Variants in FBXW7 observed in about 807,000 individuals in gnomAD.
FBXW7 encodes F-box and WD repeat domain containing 7.
FBXW7 carries 11 observed loss-of-function variants against 86.3 expected under a neutral mutation model. The ratio of observed to expected loss-of-function variants is 0.13; its 90% CI spans 0.08 to 0.21. The LOEUF (loss-of-function observed/expected upper bound fraction) is 0.21. Among genes scored for constraint, FBXW7 ranks in the 10% least tolerant of loss-of-function variants. The pLI is 1.00. For missense variants in FBXW7, 488 were observed against 847.4 expected, an observed-to-expected ratio of 0.58 and a Z score of 5.27; for synonymous variants, 313 against 297.9, an observed-to-expected ratio of 1.05 and a Z score of -0.52.
At position 152,411,581 on chromosome 4, in the gene FBXW7, C is replaced by T. The variant is rs2126880190; in HGVS notation, c.223G>A (p.Gly75Arg). 1 of 1,613,824 alleles carries T rather than the reference C, an allele frequency of 6.2e-7. No homozygotes were observed. Among genetic ancestry groups the T allele is most frequent in the Non-Finnish European group, 8.5e-7 (1 of 1,179,862 alleles). ...RPGGQNDSQQ[G>R]QLEENNNRFI... ...CTATTATTGTTTTCTTCCAACTGTC[C>T]TTGCTGGGAATCATTTTGGCCTCCA... Residue 75 changes from glycine (G) to arginine (R), a missense_variant, in exon 4 of 14, where the codon GGA becomes AGA. Physicochemically the swap from Gly to Arg is moderately radical, Grantham distance 125. Around this residue, in one of 4 missense-constraint regions of FBXW7, gnomAD observed 230 missense variants for 240.0 expected, o/e 0.96. Coordinates refer to ENST00000281708, the MANE Select transcript of FBXW7 (RefSeq NM_001349798.2).
At chr4:152,516,100 T>A (rs1748465307) in intron 2 of FBXW7, among the ~76,000 whole-genome samples, 1 of 152,184 alleles carries the variant, frequency 6.6e-6, no homozygotes, top group South Asian at 2.1e-4. Context: ...GCTGATTCCT[T>A]AATTTCAGCC....
intron 2 of FBXW7, among the ~76,000 whole-genome samples, chr4:152,510,397 C>A (rs1391481693): frequency 1.3e-5 from 2 of 152,176 alleles, no homozygotes; most frequent in African/African-American, 4.8e-5. Context: ...AAAATGTATA[C>A]TCCCAACAAC....
intron 2 of FBXW7, among the ~76,000 whole-genome samples, chr4:152,528,243 T>C (rs754616478): frequency 2.6e-5 from 4 of 152,158 alleles, no homozygotes; most frequent in Non-Finnish European, 5.9e-5. Context: ...AGTAGCTATC[T>C]TCCAGATAGA....
intron 5 of FBXW7, 89 bp from the exon 6 acceptor site, chr4:152,347,160 C>T (rs2126637834): frequency 9.2e-7 from 1 of 1,084,950 alleles, no homozygotes; most frequent in Non-Finnish European, 1.3e-6. Flanking sequence ...ATAATAGATT[C>T]TAGTACAAAG....
intron 2 of FBXW7, among the ~76,000 whole-genome samples, chr4:152,522,539 G>A (rs1046489934): frequency 2.0e-5 from 3 of 152,076 alleles, no homozygotes; most frequent in Non-Finnish European, 4.4e-5. Flanking sequence ...GCTTGGCAGG[G>A]CTGGCATTCT....
At chr4:152,446,787 C>T (rs956806123) in intron 2 of FBXW7, among the ~76,000 whole-genome samples, 7 of 152,138 alleles carry the variant, frequency 4.6e-5, no homozygotes, top group Admixed American at 2.6e-4. Context: ...CTGTCATAGA[C>T]GGCACTCCAG....
chr4:152,322,750 C>A lies in FBXW7; in HGVS notation c.*131G>T. ...GTCTGTAGGTCTTTTCAATCTGTTG[C>A]CCCAAGCCAACATCCTGCACCACTG... On this transcript the variant is annotated 3_prime_UTR_variant, in exon 14 of 14. Transcript: ENST00000281708. 1 of 1,424,182 alleles carries A rather than the reference C, an allele frequency of 7.0e-7. No individual in the cohort carries two copies. The highest frequency in any genetic ancestry group is 9.3e-7 in the Non-Finnish European group (1 of 1,072,806). The allele number at this position is 1,424,182 out of a possible 1,614,324, so 88.2% of individuals were successfully genotyped here. A position where few individuals can be genotyped will look rare whatever the true frequency, so the allele number is the denominator to read the frequency against.
At position 152,474,663 on chromosome 4, in the gene FBXW7, A is replaced by C. The variant is rs541140986; in HGVS notation, c.-120+60278T>G. Among the ~76,000 whole-genome samples the C allele has an allele frequency of 5.1e-4, 77 of 152,238 alleles. 1 individual carries two copies. The highest frequency in any genetic ancestry group is 1.8e-3 in the African/African-American group (73 of 41,544). On this transcript the variant is annotated intron_variant, in intron 2 of 13. Transcript: ENST00000281708. ...TTGTATCTTTCAAAGGTCTTTTTAA[A>C]ATTTCATCCCATAACATTTTTTTAA...
At chr4:152,352,806 T>C (rs1731972084) in intron 4 of FBXW7, 7 of 1,574,222 alleles carry the variant, frequency 4.4e-6, no homozygotes, top group Middle Eastern at 3.4e-4. Context: ...GAGGAGACTA[T>C]GCCCTGTCAA....
intron 6 of FBXW7, among the ~76,000 whole-genome samples, chr4:152,343,723 A>C (rs1730970499): frequency 6.6e-6 from 1 of 152,172 alleles, no homozygotes; most frequent in Non-Finnish European, 1.5e-5. Flanking sequence ...CAAGCCAAAA[A>C]AATGACCAAC....
Position 152,323,003 on chromosome 4 carries a change from T to TC in FBXW7, c.2001dup (p.Ser668GlufsTer26). ...CTGATCCGCCACACAACTCCCCCAC[T>TC]CCCCCCACTCTCCAATGTGACTAGG... On this transcript the variant is annotated frameshift_variant, in exon 14 of 14. Transcript: ENST00000281708. LOFTEE classifies it high-confidence loss of function. The TC allele has an allele frequency of 6.2e-7, 1 of 1,613,258 alleles. No individual in the cohort carries two copies. The highest frequency in any genetic ancestry group is 8.5e-7 in the Non-Finnish European group (1 of 1,179,722).
At chr4:152,524,314 T>A (rs1251842253) in intron 2 of FBXW7, among the ~76,000 whole-genome samples, 1 of 152,152 alleles carries the variant, frequency 6.6e-6, no homozygotes, top group East Asian at 1.9e-4. Context: ...TATAGAATTA[T>A]AAGCACCCCT....
At chr4:152,488,410 T>C (rs78895923) in intron 2 of FBXW7, among the ~76,000 whole-genome samples, 2,076 of 152,154 alleles carry the variant, frequency 0.014, 25 homozygotes, top group Middle Eastern at 0.037. Context: ...AAATAAGAAC[T>C]CTCAGCTCTT....
chr4:152,459,402 T>A (rs574390228), intron 2 of FBXW7, among the ~76,000 whole-genome samples: 1 of 152,184 alleles, frequency 6.6e-6, no homozygotes, highest in East Asian at 1.9e-4. Flanking sequence ...TACTACAGTA[T>A]CATAGCCAAA....
chr4:152,409,877 A>G (rs1418546685), intron 4 of FBXW7, among the ~76,000 whole-genome samples: 1 of 152,158 alleles, frequency 6.6e-6, no homozygotes, highest in Non-Finnish European at 1.5e-5. Flanking sequence ...ATTGTTATTC[A>G]TGATTCAGAA....
intron 4 of FBXW7, among the ~76,000 whole-genome samples, chr4:152,370,789 G>A (rs546610295): frequency 6.6e-6 from 1 of 151,964 alleles, no homozygotes; most frequent in Admixed American, 6.6e-5. Flanking sequence ...AAAATATTCA[G>A]TATAGAAAAA....
intron 2 of FBXW7, among the ~76,000 whole-genome samples, chr4:152,476,292 C>T (rs1744390190): frequency 6.6e-6 from 1 of 152,044 alleles, no homozygotes; most frequent in South Asian, 2.1e-4. Flanking sequence ...AACAATGAAC[C>T]TGAACTCTAC....
chr4:152,527,724 G>A (rs892051465), intron 2 of FBXW7, among the ~76,000 whole-genome samples: 1 of 152,050 alleles, frequency 6.6e-6, no homozygotes, highest in Non-Finnish European at 1.5e-5. Context: ...CGGCTGCAGT[G>A]AGCAAGGATC....
chr4:152,323,236 G>C (rs2126468447), intron 13 of FBXW7, 87 bp from the exon 14 acceptor site: 2 of 1,387,432 alleles, frequency 1.4e-6, no homozygotes, highest in South Asian at 1.4e-5. Context: ...TTCTACTTTA[G>C]AACATACAAT....
Sources: gnomAD v4.1 joint callset for allele counts (sites outside exome capture counted in the v4.1 genomes callset) on GRCh38, gnomAD v4.1.1 for gene constraint, gnomAD v4.1.1 regional missense constraint, MANE v1.5 for transcripts, NCBI Gene and HGNC (gene_info 2026-07-23, HGNC 2026-07-21) for gene names.